The following TG variants were observed in gnomAD, a reference collection of about 807,000 sequenced individuals.
TG encodes thyroglobulin, also known as thyroid hormones.
TG carries 270 observed loss-of-function variants against 324.7 expected under a neutral mutation model. The ratio of observed to expected loss-of-function variants is 0.83; its 90% CI spans 0.75 to 0.92. TG has a LOEUF of 0.92. TG is among the 40% of genes least tolerant of loss of function. The probability of loss-of-function intolerance (pLI) is 0.00; values close to 1 mark genes in which losing one functional copy is unlikely to be tolerated. For synonymous variants in TG, 1,401 were observed against 1,327.0 expected (o/e 1.06, Z -1.21); for missense variants, 3,591 against 3,456.4 (o/e 1.04, Z -0.98).
intron 41 of TG, chr8:133,045,172 C>T (rs1839087410): frequency 6.3e-7 from 1 of 1,595,176 alleles, no homozygotes; most frequent in Non-Finnish European, 8.6e-7. Context: ...CCAAGGCACC[C>T]AGCTAACCAG....
intron 41 of TG, chr8:133,040,104 G>A: frequency 6.4e-7 from 1 of 1,573,506 alleles, no homozygotes; most frequent in Non-Finnish European, 8.6e-7. Context: ...GGCGTGGTGA[G>A]CACACAGCAC....
intron 23 of TG, among the ~76,000 whole-genome samples, chr8:132,931,832 A>C (rs1036905954): frequency 1.3e-5 from 2 of 152,196 alleles, no homozygotes; most frequent in African/African-American, 4.8e-5. Flanking sequence ...ACAGTAGCTC[A>C]TGCTTGTAAT....
At chr8:133,011,477 G>T (rs1003740470) in intron 35 of TG, among the ~76,000 whole-genome samples, 1 of 152,180 alleles carries the variant, frequency 6.6e-6, no homozygotes, top group African/African-American at 2.4e-5. Flanking sequence ...ATAGCAACTG[G>T]TGTAGTGTCT....
At chr8:132,889,997 G>A (rs1322729707) in intron 10 of TG, among the ~76,000 whole-genome samples, 2 of 151,964 alleles carry the variant, frequency 1.3e-5, no homozygotes, top group Non-Finnish European at 2.9e-5. Flanking sequence ...GGCCAGGCTG[G>A]TCTTGAACTC....
At chr8:133,062,856 A>C (rs1587949032) in intron 41 of TG, among the ~76,000 whole-genome samples, 1 of 152,136 alleles carries the variant, frequency 6.6e-6, no homozygotes, top group African/African-American at 2.4e-5. Flanking sequence ...TGTCTTACAC[A>C]GGTCTCAGGA....
intron 27 of TG, among the ~76,000 whole-genome samples, chr8:132,958,872 A>G (rs1827348325): frequency 6.6e-6 from 1 of 152,180 alleles, no homozygotes; most frequent in South Asian, 2.1e-4. Context: ...GTGTTGTTGC[A>G]GTAGGAGTAT....
At chr8:133,118,344 T>G (rs1850869573) in intron 45 of TG, among the ~76,000 whole-genome samples, 14 of 81,714 alleles carry the variant, frequency 1.7e-4, no homozygotes, top group African/African-American at 6.9e-4. Flanking sequence ...TTTTTTTTTT[T>G]GACGGGGTCT....
At chr8:132,997,005 T>TTTTG (rs935309905) in intron 35 of TG, among the ~76,000 whole-genome samples, 1 of 152,194 alleles carries the variant, frequency 6.6e-6, no homozygotes, top group African/African-American at 2.4e-5. Flanking sequence ...ACACTACGTT[T>TTTTG]TTTGTTTGTT....
At chr8:132,902,178 T>A (rs562260959) in intron 16 of TG, among the ~76,000 whole-genome samples, 11 of 152,308 alleles carry the variant, frequency 7.2e-5, no homozygotes, top group African/African-American at 2.6e-4. Flanking sequence ...AATGGAGACA[T>A]TACAAAATAC....
chr8:132,873,378 G>A (rs1013214380), intron 5 of TG, among the ~76,000 whole-genome samples, 157 bp downstream of exon 5: 2 of 152,182 alleles, frequency 1.3e-5, no homozygotes, highest in African/African-American at 2.4e-5. Flanking sequence ...AAAGTGCCAC[G>A]GCGTTTTTTA....
At chr8:133,051,043 C>T in intron 41 of TG, 1 of 632,990 alleles carries the variant, frequency 1.6e-6, no homozygotes, top group East Asian at 2.7e-5. Flanking sequence ...TTGTTTTGAA[C>T]CACCAATTTA....
Position 133,017,826 on chromosome 8 carries a change from C to A in TG, c.6611C>A (p.Ser2204Tyr). ...YEASVPSVPI[S>Y]THGRLLGRSQ... Reference sequence around the variant, plus strand: ...GCATCTGTACCTTCTGTGCCCATTTCCACCCATGGCCGGCTGCTGGGCAGG... The same window carrying A: ...GCATCTGTACCTTCTGTGCCCATTTACACCCATGGCCGGCTGCTGGGCAGG... The change falls in exon 38 of 48, where the codon TCC becomes TAC. Residue 2204 changes from serine to tyrosine, a missense_variant. Physicochemically the swap from Ser to Tyr is moderately radical, Grantham distance 144 (BLOSUM62 -2). Transcript: ENST00000220616. 1 of 1,614,228 alleles carries A rather than the reference C, an allele frequency of 6.2e-7. No individual in the cohort carries two copies.
At chr8:133,049,897 C>G in intron 41 of TG, 1 of 1,581,128 alleles carries the variant, frequency 6.3e-7, no homozygotes, top group Non-Finnish European at 8.7e-7. Flanking sequence ...GAGAAATGTA[C>G]TCACCCATGG....
intron 43 of TG, among the ~76,000 whole-genome samples, chr8:133,100,257 A>T (rs1588097291): frequency 6.6e-6 from 1 of 152,240 alleles, no homozygotes; most frequent in African/African-American, 2.4e-5. Flanking sequence ...TATCAGAAAG[A>T]CCTTGCTTGA....
At chr8:132,920,742 G>T (rs1820988604) in intron 21 of TG, among the ~76,000 whole-genome samples, 1 of 152,218 alleles carries the variant, frequency 6.6e-6, no homozygotes, top group African/African-American at 2.4e-5. Context: ...AGCCAGACCA[G>T]GTTTGATCAC....
intron 5 of TG, among the ~76,000 whole-genome samples, chr8:132,880,417 T>C (rs1473807759): frequency 3.3e-5 from 5 of 152,224 alleles, no homozygotes; most frequent in African/African-American, 4.8e-5. Flanking sequence ...ATTTTTAAAA[T>C]TGAATTATCC....
chr8:132,894,010 T>G, intron 11 of TG, 81 bp downstream of exon 11: 1 of 1,608,902 alleles, frequency 6.2e-7, no homozygotes, highest in Non-Finnish European at 8.5e-7. Flanking sequence ...TCAGTCATCC[T>G]TAGGACTTTG....
chr8:132,888,645 A>G, intron 10 of TG, 77 bp downstream of exon 10: 2 of 1,398,362 alleles, frequency 1.4e-6, no homozygotes, highest in South Asian at 2.9e-5. Flanking sequence ...CATATAAAAA[A>G]GGATGTCTAG....
intron 41 of TG, chr8:133,090,144 C>G (rs1015922139): frequency 6.6e-6 from 1 of 152,194 alleles, no homozygotes; most frequent in African/African-American, 2.4e-5. Context: ...AAAAGAAATA[C>G]AAGGTTGATA....
Sources: allele counts gnomAD v4.1 joint callset (sites outside exome capture counted in the v4.1 genomes callset), GRCh38; gene constraint gnomAD v4.1.1; transcripts MANE v1.5; gene names NCBI Gene and HGNC (gene_info 2026-07-23, HGNC 2026-07-21).